GALNT13: variants seen among roughly 807,000 people sequenced by gnomAD.
GALNT13 encodes polypeptide N-acetylgalactosaminyltransferase 13.
A neutral mutation model predicts 64.2 loss-of-function variants in GALNT13; 28 were observed. The observed-to-expected ratio is 0.44, with a 90% CI of 0.32 to 0.60. GALNT13 has a LOEUF of 0.60. GALNT13 is among the 20% of genes least tolerant of loss of function. GALNT13 has a pLI of 0.05. For missense variants in GALNT13, 577 were observed against 669.8 expected (o/e 0.86, Z 1.53); for synonymous variants, 214 against 224.6 (o/e 0.95, Z 0.42).
At chr2:154,400,441 G>A (rs570448071) in intron 10 of GALNT13, among the ~76,000 whole-genome samples, 267 of 152,126 alleles carry the variant, frequency 1.8e-3, no homozygotes, top group African/African-American at 6.0e-3. Context: ...GTGTATTGGT[G>A]AATATAAATG....
chr2:153,243,095 A>G, the GALNT13 span, among the ~76,000 whole-genome samples: 1,255 of 152,258 alleles, frequency 8.2e-3, 24 homozygotes, highest in African/African-American at 0.029. Flanking sequence ...GGATCAGAGA[A>G]GCATGCTCTT....
At chr2:154,347,927 T>A (rs1377996119) in intron 9 of GALNT13, among the ~76,000 whole-genome samples, 6 of 152,210 alleles carry the variant, frequency 3.9e-5, no homozygotes, top group Admixed American at 6.5e-5. Flanking sequence ...TTCCCTGGAC[T>A]GTGATATTTG....
the GALNT13 span, among the ~76,000 whole-genome samples, chr2:153,546,792 A>G: frequency 6.6e-6 from 1 of 152,228 alleles, no homozygotes; most frequent in African/African-American, 2.4e-5. Context: ...TTGTTGTATT[A>G]AAGAAGTACT....
At chr2:153,162,965 T>C in the GALNT13 span, among the ~76,000 whole-genome samples, 1 of 152,096 alleles carries the variant, frequency 6.6e-6, no homozygotes, top group Non-Finnish European at 1.5e-5. Flanking sequence ...CTCAAGTCGA[T>C]TGAAAGTTGT....
At chr2:153,732,454 G>C in the GALNT13 span, among the ~76,000 whole-genome samples, 2 of 151,950 alleles carry the variant, frequency 1.3e-5, no homozygotes, top group South Asian at 4.1e-4. Context: ...TCTCATATGT[G>C]GTTAATGAGG....
chr2:154,288,254 C>G (rs1692391942), intron 8 of GALNT13, among the ~76,000 whole-genome samples: 1 of 151,966 alleles, frequency 6.6e-6, no homozygotes, highest in Non-Finnish European at 1.5e-5. Flanking sequence ...GTAACCACCC[C>G]CATGATTCAA....
the GALNT13 span, among the ~76,000 whole-genome samples, chr2:153,120,821 C>G: frequency 1.3e-5 from 2 of 152,126 alleles, no homozygotes; most frequent in Non-Finnish European, 2.9e-5. Context: ...TTTTGCCAGG[C>G]TCACAGCTGG....
chr2:153,454,091 G>T, the GALNT13 span, among the ~76,000 whole-genome samples: 1 of 152,064 alleles, frequency 6.6e-6, no homozygotes, highest in Non-Finnish European at 1.5e-5. Context: ...CATAAAGCTG[G>T]CAACAACTGA....
At chr2:153,545,386 C>A in the GALNT13 span, among the ~76,000 whole-genome samples, 9 of 152,248 alleles carry the variant, frequency 5.9e-5, no homozygotes, top group Admixed American at 3.3e-4. Flanking sequence ...ACATCTTAGC[C>A]ACGACTCAGT....
the GALNT13 span, among the ~76,000 whole-genome samples, chr2:153,433,090 T>G: frequency 1.3e-5 from 2 of 152,066 alleles, no homozygotes; most frequent in Non-Finnish European, 2.9e-5. Flanking sequence ...CAAGCCTTAC[T>G]GTAAGAGAAT....
At position 153,944,563 on chromosome 2, in the gene GALNT13, C is replaced by A. The variant is rs950831995; in HGVS notation, c.66C>A (p.Val22=). ...CGCTGATGTGGGTTCTTGTTGATGT[C>A]TTCTTACTGCTGTACTTCAGTGAAT... ...ATSLMWVLVD[V]FLLLYFSECN... The change falls in exon 3 of 13, where the codon GTC becomes GTA. Residue 22 remains valine, a synonymous_variant. Coordinates refer to ENST00000392825, the MANE Select transcript of GALNT13 (RefSeq NM_052917.4). The A allele has an allele frequency of 6.2e-7, 1 of 1,613,374 alleles. No individual in the cohort carries two copies. Among genetic ancestry groups the A allele is most frequent in the African/African-American group, 1.3e-5 (1 of 74,904 alleles).
chr2:153,401,489 TTC>T, the GALNT13 span, among the ~76,000 whole-genome samples: 12 of 148,752 alleles, frequency 8.1e-5, no homozygotes, highest in South Asian at 4.3e-4. Context: ...CTTGTTGACT[TTC>T]TGTCTCGTTG....
chr2:154,011,032 T>C (rs1347389946), intron 3 of GALNT13, among the ~76,000 whole-genome samples: 1 of 151,936 alleles, frequency 6.6e-6, no homozygotes, highest in Non-Finnish European at 1.5e-5. Context: ...GCAATCTTAT[T>C]TATTCCACAA....
At chr2:154,291,279 T>C (rs557391159) in intron 8 of GALNT13, among the ~76,000 whole-genome samples, 3 of 152,218 alleles carry the variant, frequency 2.0e-5, no homozygotes, top group Admixed American at 1.3e-4. Flanking sequence ...ACAAAATTTC[T>C]CCAAGTCCCC....
chr2:153,236,213 A>C, the GALNT13 span, among the ~76,000 whole-genome samples: 4 of 152,198 alleles, frequency 2.6e-5, no homozygotes, highest in Non-Finnish European at 5.9e-5. Flanking sequence ...AGTTAAGGAA[A>C]GAAAATGTCT....
chr2:154,270,732 C>T (rs1691308615), intron 8 of GALNT13, among the ~76,000 whole-genome samples: 1 of 151,372 alleles, frequency 6.6e-6, no homozygotes, highest in African/African-American at 2.4e-5. Flanking sequence ...ATGAAAGGAA[C>T]TAGATTCTGA....
At chr2:153,361,453 G>A in the GALNT13 span, among the ~76,000 whole-genome samples, 11 of 151,962 alleles carry the variant, frequency 7.2e-5, no homozygotes, top group East Asian at 3.9e-4. Flanking sequence ...CTAACCCAAT[G>A]CAAAGAAGGT....
At chr2:153,318,053 T>G in the GALNT13 span, among the ~76,000 whole-genome samples, 1 of 150,930 alleles carries the variant, frequency 6.6e-6, no homozygotes, top group Middle Eastern at 3.5e-3. Context: ...GCTAAAATTT[T>G]AAGACTTCTA....
chr2:154,224,055 C>A (rs1027714948), intron 4 of GALNT13, among the ~76,000 whole-genome samples: 1 of 151,770 alleles, frequency 6.6e-6, no homozygotes, highest in Non-Finnish European at 1.5e-5. Flanking sequence ...ATTTGTATAG[C>A]GTATGTGTGT....
Sources: allele counts gnomAD v4.1 joint callset (sites outside exome capture counted in the v4.1 genomes callset), GRCh38; gene constraint gnomAD v4.1.1; transcripts MANE v1.5; gene names NCBI Gene and HGNC (gene_info 2026-07-23, HGNC 2026-07-21).